KDM4C: variants seen among roughly 807,000 people sequenced by gnomAD.
The protein encoded by KDM4C is lysine demethylase 4C.
A neutral mutation model predicts 129.3 loss-of-function variants in KDM4C; 81 were observed. The ratio of observed to expected loss-of-function variants is 0.63; its 90% CI spans 0.52 to 0.75. The LOEUF (loss-of-function observed/expected upper bound fraction) is 0.75. Among genes scored for constraint, KDM4C ranks in the 30% least tolerant of loss-of-function variants. The pLI, the probability that KDM4C is intolerant of heterozygous loss-of-function variation, is 0.00. For missense variants in KDM4C, 1,457 were observed against 1,304.0 expected, an observed-to-expected ratio of 1.12 and a Z score of -1.81; for synonymous variants, 573 against 456.1, an observed-to-expected ratio of 1.26 and a Z score of -3.26.
At chr9:6,786,114 C>T (rs747794189) in intron 1 of KDM4C, among the ~76,000 whole-genome samples, 3 of 148,822 alleles carry the variant, frequency 2.0e-5, no homozygotes, top group Non-Finnish European at 4.4e-5. Flanking sequence ...TTTACTCCTC[C>T]CACAGAAGTT....
chr9:6,781,415 A>G lies in KDM4C; in HGVS notation c.-17-11557A>G, dbSNP rs545972706. 2.0e-4 allele frequency among the ~76,000 whole-genome samples: 30 copies of G among 152,238 alleles called. No homozygotes were observed. The East Asian group carries it at 5.2e-3, about 26-fold the overall frequency. ...TTTTTAAAGACACTGTATTTAAAAT[A>G]TAATTGTTGATTTATTAACATTAAA... is the stretch of plus-strand genomic sequence containing the variant. On this transcript the variant is annotated intron_variant, in intron 1 of 21. Coordinates refer to ENST00000381309, the MANE Select transcript of KDM4C (RefSeq NM_015061.6).
rs146407918 is a variant in KDM4C, at chr9:7,048,090, G to A, written c.2316-1002G>A. Among the ~76,000 whole-genome samples the A allele has an allele frequency of 9.2e-5, 14 of 152,010 alleles. No individual in the cohort carries two copies. The East Asian group carries it at 9.6e-4, about 10-fold the overall frequency. ...TCCACAGTCCTGGTTGATATGATTCGCACTATACTGAAAGTCTTCACTAGT... is the reference window on the plus strand; with the variant it reads ...TCCACAGTCCTGGTTGATATGATTCACACTATACTGAAAGTCTTCACTAGT... On this transcript the variant is annotated intron_variant, in intron 16 of 21. Transcript: ENST00000381309.
chr9:6,915,908 C>G (rs1820226321), intron 8 of KDM4C, among the ~76,000 whole-genome samples: 1 of 152,148 alleles, frequency 6.6e-6, no homozygotes, highest in East Asian at 1.9e-4. Context: ...CTTTCCAGCA[C>G]TTGAATTAAT....
At chr9:6,984,853 T>G (rs1049322488) in intron 10 of KDM4C, among the ~76,000 whole-genome samples, 17 of 152,190 alleles carry the variant, frequency 1.1e-4, no homozygotes, top group Non-Finnish European at 5.9e-5. Flanking sequence ...TGAAATGACA[T>G]GTATAGTCCC....
At chr9:7,050,325 G>T (rs1279091096) in intron 17 of KDM4C, among the ~76,000 whole-genome samples, 1 of 150,642 alleles carries the variant, frequency 6.6e-6, no homozygotes, top group Non-Finnish European at 1.5e-5. Flanking sequence ...GAAATGAGTG[G>T]GCCATTTAAA....
intron 8 of KDM4C, among the ~76,000 whole-genome samples, chr9:6,957,541 A>T (rs1257557615): frequency 6.6e-6 from 1 of 151,986 alleles, no homozygotes; most frequent in Non-Finnish European, 1.5e-5. Context: ...CCACAGTGGT[A>T]GTGGCAGCGA....
At chr9:7,039,311 T>A (rs973675478) in intron 15 of KDM4C, among the ~76,000 whole-genome samples, 5 of 152,034 alleles carry the variant, frequency 3.3e-5, no homozygotes, top group Admixed American at 2.0e-4. Flanking sequence ...CAGCTCTGTC[T>A]TTCTCCTCTC....
chr9:7,102,281 A>G (rs1334305219), intron 17 of KDM4C, among the ~76,000 whole-genome samples: 2 of 148,428 alleles, frequency 1.3e-5, no homozygotes, highest in East Asian at 3.9e-4. Flanking sequence ...CCTTTTACAA[A>G]CTTGGCTCTT....
chr9:6,766,214 A>G (rs764382484), intron 1 of KDM4C, among the ~76,000 whole-genome samples: 6 of 152,218 alleles, frequency 3.9e-5, no homozygotes, highest in Non-Finnish European at 8.8e-5. Flanking sequence ...TACAGATGCT[A>G]TAGTTACAAC....
chr9:6,774,901 T>A (rs1046808031), intron 1 of KDM4C, among the ~76,000 whole-genome samples: 1 of 152,208 alleles, frequency 6.6e-6, no homozygotes, highest in Admixed American at 6.5e-5. Flanking sequence ...TTTAAAAAAA[T>A]GGATTTGTCT....
At chr9:6,852,247 G>T (rs545797519) in intron 5 of KDM4C, among the ~76,000 whole-genome samples, 13 of 152,304 alleles carry the variant, frequency 8.5e-5, no homozygotes, top group African/African-American at 2.9e-4. Context: ...TTTGAAAGAT[G>T]TTAGAAGCAA....
intron 1 of KDM4C, among the ~76,000 whole-genome samples, chr9:6,749,605 C>T (rs1450036109): frequency 6.6e-6 from 1 of 151,760 alleles, no homozygotes; most frequent in East Asian, 1.9e-4. Context: ...TAATTCAAGG[C>T]TGCAATGAGC....
intron 17 of KDM4C, among the ~76,000 whole-genome samples, chr9:7,057,880 A>T (rs143555818): frequency 6.6e-6 from 1 of 152,240 alleles, no homozygotes; most frequent in African/African-American, 2.4e-5. Context: ...AAGTTCAGAG[A>T]TACAGCTCTT....
intron 8 of KDM4C, among the ~76,000 whole-genome samples, chr9:6,926,036 C>G (rs914719586): frequency 6.6e-6 from 1 of 151,996 alleles, no homozygotes; most frequent in Non-Finnish European, 1.5e-5. Flanking sequence ...ATAGCCGCTG[C>G]GAACTGTAAA....
intron 8 of KDM4C, among the ~76,000 whole-genome samples, chr9:6,905,580 A>C (rs562655235): frequency 1.3e-5 from 2 of 152,332 alleles, no homozygotes; most frequent in South Asian, 4.1e-4. Context: ...CCTAAGCCCT[A>C]AAATGATTCT....
chr9:7,029,300 T>G (rs76511904), intron 15 of KDM4C, among the ~76,000 whole-genome samples: 61,796 of 148,328 alleles, frequency 0.42, 13,393 homozygotes, highest in East Asian at 0.58. Flanking sequence ...ACCGTTTTTT[T>G]TTTTTTTTTT....
At chr9:6,741,627 TCATCTTTATTC>T (rs1011063595) in intron 1 of KDM4C, among the ~76,000 whole-genome samples, 57 of 151,970 alleles carry the variant, frequency 3.8e-4, no homozygotes, top group African/African-American at 1.4e-3. Flanking sequence ...TGTCTTTATT[TCATCTTTATTC>T]CTGAAGAATA....
At chr9:6,950,233 T>C (rs1253459503) in intron 8 of KDM4C, among the ~76,000 whole-genome samples, 2 of 152,202 alleles carry the variant, frequency 1.3e-5, no homozygotes, top group Non-Finnish European at 2.9e-5. Context: ...AATTCTCCTT[T>C]CCAGAGGTTT....
intron 20 of KDM4C, among the ~76,000 whole-genome samples, chr9:7,167,545 A>G (rs1007572887): frequency 6.6e-6 from 1 of 152,272 alleles, no homozygotes; most frequent in Non-Finnish European, 1.5e-5. Context: ...AAACAAGGCC[A>G]GGAAGAAAAC....
Sources: gnomAD v4.1 joint callset for allele counts (sites outside exome capture counted in the v4.1 genomes callset) on GRCh38, gnomAD v4.1.1 for gene constraint, MANE v1.5 for transcripts, NCBI Gene and HGNC (gene_info 2026-07-23, HGNC 2026-07-21) for gene names.